Variants in NFIB observed in about 807,000 individuals in gnomAD.
NFIB encodes nuclear factor 1 B-type.
In NFIB, 11 loss-of-function variants were observed where a neutral mutation model predicts 61.5. The observed-to-expected ratio is 0.18, with a 90% confidence interval of 0.11 to 0.30. NFIB has a LOEUF of 0.30. Ranked by LOEUF, NFIB falls within the 10% of genes least tolerant of loss-of-function variation. NFIB has a pLI of 1.00. For missense variants in NFIB, 471 were observed against 608.9 expected (o/e 0.77, Z 2.38); for synonymous variants, 260 against 216.5 (o/e 1.20, Z -1.76).
At chr9:14,271,926 G>T (rs1389818516) in intron 2 of NFIB, among the ~76,000 whole-genome samples, 2 of 152,038 alleles carry the variant, frequency 1.3e-5, no homozygotes, top group African/African-American at 4.8e-5. Flanking sequence ...TATTTTAAGG[G>T]TGCTAATAAC....
intron 1 of NFIB, among the ~76,000 whole-genome samples, chr9:14,350,893 G>A (rs1331781193): frequency 1.3e-5 from 2 of 152,134 alleles, no homozygotes; most frequent in Non-Finnish European, 2.9e-5. Context: ...TGTTTCGACA[G>A]GCGGTGCTGC....
chr9:14,506,477 C>T, the NFIB span, among the ~76,000 whole-genome samples: 4 of 151,990 alleles, frequency 2.6e-5, no homozygotes, highest in South Asian at 2.1e-4. Context: ...TGAGAAGAAA[C>T]GAACAGGATA....
intron 2 of NFIB, among the ~76,000 whole-genome samples, chr9:14,220,737 A>G (rs2051539592): frequency 6.6e-6 from 1 of 151,774 alleles, no homozygotes; most frequent in Non-Finnish European, 1.5e-5. Flanking sequence ...AACCCCCTTC[A>G]TCAAGGTGTA....
intron 1 of NFIB, among the ~76,000 whole-genome samples, chr9:14,374,392 A>G (rs1423015609): frequency 1.3e-5 from 2 of 152,194 alleles, no homozygotes; most frequent in Admixed American, 6.5e-5. Context: ...AGAAAAGTTC[A>G]TCTGTGTCTG....
chr9:14,241,386 G>T (rs909146555), intron 2 of NFIB, among the ~76,000 whole-genome samples: 1 of 152,084 alleles, frequency 6.6e-6, no homozygotes, highest in African/African-American at 2.4e-5. Context: ...TATAAATGTG[G>T]CAGTGAAAAG....
At position 14,095,944 on chromosome 9, in the gene NFIB, G is replaced by T. The variant is rs116626499; in HGVS notation, c.1468-7618C>A. Among the ~76,000 whole-genome samples the T allele has an allele frequency of 3.9e-5, 6 of 152,148 alleles. No homozygotes were observed. The East Asian group carries it at 9.6e-4, about 24-fold the overall frequency. Reference sequence around the variant, plus strand: ...TGCAATTTCAGAATATTCAAAATTCGTGTTCTTCAATTACTTGACCTTAAG... The same window carrying T: ...TGCAATTTCAGAATATTCAAAATTCTTGTTCTTCAATTACTTGACCTTAAG... On this transcript the variant is annotated intron_variant, in intron 10 of 10. Transcript: ENST00000380953.
chr9:14,145,399 C>T (rs1312494877), intron 6 of NFIB, among the ~76,000 whole-genome samples: 1 of 152,056 alleles, frequency 6.6e-6, no homozygotes, highest in East Asian at 1.9e-4. Context: ...GTCAGTTGTG[C>T]TAAAGGAGGT....
chr9:14,448,764 A>C, the NFIB span, among the ~76,000 whole-genome samples: 29 of 152,320 alleles, frequency 1.9e-4, no homozygotes, highest in African/African-American at 6.7e-4. Context: ...AAGGTGGGTA[A>C]AGAACTTGTC....
intron 1 of NFIB, among the ~76,000 whole-genome samples, chr9:14,352,133 AT>A (rs999382304): frequency 6.6e-6 from 1 of 152,160 alleles, no homozygotes. Context: ...CCCCAATAAA[AT>A]TTTAAAAATA....
chr9:14,531,132 C>A, the NFIB span, among the ~76,000 whole-genome samples: 4 of 152,144 alleles, frequency 2.6e-5, no homozygotes, highest in Non-Finnish European at 5.9e-5. Context: ...CCCCAAACTA[C>A]TACCTCTCAT....
intron 6 of NFIB, among the ~76,000 whole-genome samples, chr9:14,134,163 T>G (rs1016629530): frequency 3.3e-5 from 5 of 152,198 alleles, no homozygotes; most frequent in African/African-American, 1.2e-4. Flanking sequence ...TCAGAGGACA[T>G]GCTTTGAAAT....
upstream of NFIB, among the ~76,000 whole-genome samples, chr9:14,315,864 A>G (rs1383836354): frequency 6.6e-6 from 1 of 151,478 alleles, no homozygotes; most frequent in African/African-American, 2.4e-5. Context: ...CTCCGAGTCT[A>G]CCTAGCTGGG....
the NFIB span, among the ~76,000 whole-genome samples, chr9:14,428,008 G>A: frequency 1.6e-4 from 20 of 126,782 alleles, no homozygotes; most frequent in Non-Finnish European, 3.0e-4. Flanking sequence ...ACAGCGGTGT[G>A]ATCACGGCTC....
At chr9:14,185,606 CT>C in intron 2 of NFIB, among the ~76,000 whole-genome samples, 1 of 152,270 alleles carries the variant, frequency 6.6e-6, no homozygotes, top group East Asian at 1.9e-4. Flanking sequence ...TAGCCCTAAT[CT>C]TTGGGATAGG....
chr9:14,286,414 T>C (rs927073488), intron 2 of NFIB, among the ~76,000 whole-genome samples: 4 of 152,220 alleles, frequency 2.6e-5, no homozygotes, highest in African/African-American at 9.6e-5. Context: ...AGCATGCTTG[T>C]ATGCTTGTTA....
At chr9:14,385,928 A>C (rs1175933337) in intron 1 of NFIB, among the ~76,000 whole-genome samples, 1 of 151,888 alleles carries the variant, frequency 6.6e-6, no homozygotes, top group Non-Finnish European at 1.5e-5. Context: ...GATTACAGGC[A>C]TGTTCCACGG....
intron 2 of NFIB, among the ~76,000 whole-genome samples, chr9:14,221,325 T>A (rs1262526362): frequency 6.6e-6 from 1 of 152,210 alleles, no homozygotes; most frequent in African/African-American, 2.4e-5. Context: ...TAGACATGCA[T>A]TATCTGACAC....
chr9:14,275,197 T>A (rs1320227171), intron 2 of NFIB, among the ~76,000 whole-genome samples: 1 of 152,308 alleles, frequency 6.6e-6, no homozygotes, highest in South Asian at 2.1e-4. Flanking sequence ...AAGGCCAGGA[T>A]CATGGTCTCT....
At chr9:14,332,992 C>T (rs1235738905) in intron 1 of NFIB, among the ~76,000 whole-genome samples, 2 of 152,164 alleles carry the variant, frequency 1.3e-5, no homozygotes, top group Non-Finnish European at 2.9e-5. Context: ...CTTTCTACAG[C>T]CTACAGTCAA....
Sources: gnomAD v4.1 joint callset for allele counts (sites outside exome capture counted in the v4.1 genomes callset) on GRCh38, gnomAD v4.1.1 for gene constraint, MANE v1.5 for transcripts, NCBI Gene and HGNC (gene_info 2026-07-23, HGNC 2026-07-21) for gene names.